RBFOX1: variants seen among roughly 807,000 people sequenced by gnomAD.
RBFOX1 encodes the protein RNA binding protein fox-1 homolog 1.
RBFOX1 carries 8 observed loss-of-function variants against 57.7 expected under a neutral mutation model. The ratio of observed to expected loss-of-function variants is 0.14; its 90% CI spans 0.08 to 0.25. RBFOX1 has a LOEUF of 0.25. Among genes scored for constraint, RBFOX1 ranks in the 10% least tolerant of loss-of-function variants. The pLI, the probability that RBFOX1 is intolerant of heterozygous loss-of-function variation, is 1.00. For synonymous variants in RBFOX1, 326 were observed against 222.4 expected (o/e 1.47, Z -4.15); for missense variants, 611 against 548.5 (o/e 1.11, Z -1.14).
chr16:6,171,574 A>G (rs146938419), intron 1 of RBFOX1, among the ~76,000 whole-genome samples: 5 of 152,296 alleles, frequency 3.3e-5, no homozygotes, highest in African/African-American at 1.2e-4. Context: ...ATGTCTTGCC[A>G]TGAACATATG....
chr16:5,424,984 T>TTTCTTTC lies in RBFOX1; in HGVS notation c.220-42230_220-42229insCTTTCTT, dbSNP rs200482050. 3.5e-3 allele frequency among the ~76,000 whole-genome samples: 244 copies of TTTCTTTC among 68,946 alleles called. 32 individuals carry two copies. Among genetic ancestry groups the TTTCTTTC allele is most frequent in the African/African-American group, 0.015 (229 of 15,592 alleles). The allele number at this position is 68,946 out of a possible 152,430, so 45.2% of individuals were successfully genotyped here. The stretch of plus-strand genomic sequence containing the variant: ...TCTTTCTCTTTCTTTCTTTCTTTTC[T>TTTCTTTC]TTTCTTTTCTTTTCTTTTCTTTTCT... On this transcript the variant is annotated intron_variant, in intron 1 of 2. Coordinates refer to the RBFOX1 transcript ENST00000585867.
intron 2 of RBFOX1, among the ~76,000 whole-genome samples, chr16:6,333,624 T>A (rs549673530): frequency 6.6e-6 from 1 of 152,186 alleles, no homozygotes; most frequent in South Asian, 2.1e-4. Flanking sequence ...CTCTTAAAAT[T>A]AAAAAATATA....
chr16:5,454,940 TTCCTTCCTTC>T (rs2068567348), intron 1 of RBFOX1, among the ~76,000 whole-genome samples: 9 of 50,368 alleles, frequency 1.8e-4, no homozygotes, highest in South Asian at 7.2e-4. Context: ...CCTTCCTTCC[TTCCTTCCTTC>T]CTTCCTTCCT....
chr16:6,559,347 T>C (rs1231623330), intron 2 of RBFOX1, among the ~76,000 whole-genome samples: 1 of 143,546 alleles, frequency 7.0e-6, no homozygotes, highest in Non-Finnish European at 1.5e-5. Context: ...TATGTGTGTA[T>C]ATGTGTGTAT....
intron 2 of RBFOX1, among the ~76,000 whole-genome samples, chr16:5,544,112 A>G (rs2045084333): frequency 6.6e-6 from 1 of 152,180 alleles, no homozygotes; most frequent in Non-Finnish European, 1.5e-5. Context: ...CAGGATACAC[A>G]TTCTTTCTGA....
intron 3 of RBFOX1, among the ~76,000 whole-genome samples, chr16:5,664,099 C>T (rs955989688): frequency 1.2e-4 from 19 of 152,206 alleles, no homozygotes; most frequent in African/African-American, 3.9e-4. Flanking sequence ...TGCCTCTAGG[C>T]GTGCCCCTCT....
intron 3 of RBFOX1, among the ~76,000 whole-genome samples, chr16:6,768,215 G>A (rs1056998550): frequency 4.6e-5 from 7 of 151,738 alleles, no homozygotes; most frequent in Admixed American, 1.3e-4. Context: ...AAACAAGACC[G>A]AAAACAAAAG....
At chr16:5,889,222 T>C (rs933154841) in intron 4 of RBFOX1, among the ~76,000 whole-genome samples, 32 of 152,266 alleles carry the variant, frequency 2.1e-4, no homozygotes, top group African/African-American at 7.2e-4. Flanking sequence ...TAACTATTCC[T>C]CCTGATGCTC....
chr16:6,437,939 A>T (rs973734924), intron 2 of RBFOX1, among the ~76,000 whole-genome samples: 1 of 152,130 alleles, frequency 6.6e-6, no homozygotes, highest in African/African-American at 2.4e-5. Context: ...GAGCCAAACC[A>T]TATCAGCATG....
At chr16:7,459,997 A>G (rs1343069072) in intron 4 of RBFOX1, among the ~76,000 whole-genome samples, 1 of 152,174 alleles carries the variant, frequency 6.6e-6, no homozygotes, top group Non-Finnish European at 1.5e-5. Context: ...ATTAGTTTAA[A>G]CAAGAGAAAC....
At chr16:7,063,578 C>G (rs1021100134) in intron 4 of RBFOX1, among the ~76,000 whole-genome samples, 3 of 152,152 alleles carry the variant, frequency 2.0e-5, no homozygotes, top group African/African-American at 7.2e-5. Flanking sequence ...GAGAATAGTA[C>G]TTTTCAAATT....
intron 1 of RBFOX1, among the ~76,000 whole-genome samples, chr16:5,289,958 G>A (rs957346696): frequency 2.6e-5 from 4 of 152,226 alleles, no homozygotes; most frequent in Non-Finnish European, 5.9e-5. Context: ...TAGTGCCAAA[G>A]TGAAAACAAC....
intron 4 of RBFOX1, among the ~76,000 whole-genome samples, chr16:7,331,208 G>A (rs1009587592): frequency 1.8e-4 from 27 of 152,160 alleles, no homozygotes; most frequent in African/African-American, 2.7e-4. Flanking sequence ...GAAAGTGGAG[G>A]AATTGACATT....
At chr16:5,614,682 C>T (rs2047954749) in intron 3 of RBFOX1, among the ~76,000 whole-genome samples, 1 of 152,106 alleles carries the variant, frequency 6.6e-6, no homozygotes, top group African/African-American at 2.4e-5. Context: ...TCCACCCCTA[C>T]CCCCTGTACA....
chr16:6,896,692 C>T (rs140777436), intron 3 of RBFOX1, among the ~76,000 whole-genome samples: 348 of 152,242 alleles, frequency 2.3e-3, no homozygotes, highest in African/African-American at 7.8e-3. Context: ...CTGCTGTGGT[C>T]ATTGTGTTAG....
At chr16:7,248,521 C>G (rs1216510637) in intron 4 of RBFOX1, among the ~76,000 whole-genome samples, 1 of 152,200 alleles carries the variant, frequency 6.6e-6, no homozygotes, top group Non-Finnish European at 1.5e-5. Context: ...GGTAGCATTA[C>G]TTAATTTCAC....
chr16:7,111,741 G>A (rs2064818591), intron 4 of RBFOX1, among the ~76,000 whole-genome samples: 2 of 145,708 alleles, frequency 1.4e-5, no homozygotes, highest in Non-Finnish European at 3.0e-5. Flanking sequence ...AAATTATTCT[G>A]ATTGTTATTT....
At chr16:6,341,231 T>A (rs1394798307) in intron 2 of RBFOX1, among the ~76,000 whole-genome samples, 3 of 152,184 alleles carry the variant, frequency 2.0e-5, no homozygotes, top group Non-Finnish European at 2.9e-5. Flanking sequence ...TTCCTTGCTT[T>A]TTTTTGGCCA....
intron 4 of RBFOX1, among the ~76,000 whole-genome samples, chr16:7,055,346 A>T (rs1175333764): frequency 2.0e-5 from 3 of 152,142 alleles, no homozygotes; most frequent in Non-Finnish European, 4.4e-5. Flanking sequence ...AGTTATGGAA[A>T]AGCTAAGAGT....
Sources: allele counts gnomAD v4.1 joint callset (sites outside exome capture counted in the v4.1 genomes callset), GRCh38; gene constraint gnomAD v4.1.1; transcripts MANE v1.5; gene names NCBI Gene and HGNC (gene_info 2026-07-23, HGNC 2026-07-21).